SPTBN4: variants seen among roughly 807,000 people sequenced by gnomAD.
SPTBN4 encodes spectrin beta chain, non-erythrocytic 4.
SPTBN4 carries 96 observed loss-of-function variants against 277.8 expected under a neutral mutation model. The observed-to-expected ratio is 0.35, with a 90% CI of 0.29 to 0.41. The LOEUF (loss-of-function observed/expected upper bound fraction) is 0.41. Among genes scored for constraint, SPTBN4 ranks in the 10% least tolerant of loss-of-function variants. SPTBN4 has a pLI of 1.00. For missense variants in SPTBN4, 3,006 were observed against 3,595.7 expected, an observed-to-expected ratio of 0.84 and a Z score of 4.19; for synonymous variants, 1,481 against 1,580.3, an observed-to-expected ratio of 0.94 and a Z score of 1.49.
intron 12 of SPTBN4, 51 bp downstream of exon 12, chr19:40,504,183 G>C (rs758973799): frequency 6.5e-7 from 1 of 1,528,172 alleles, no homozygotes; most frequent in Non-Finnish European, 8.9e-7. Context: ...GGGAGGGGAG[G>C]ATGCAGACGC....
chr19:40,526,039 ACTGGGGCC>A (rs908266142), intron 17 of SPTBN4, among the ~76,000 whole-genome samples: 9 of 152,056 alleles, frequency 5.9e-5, no homozygotes, highest in Non-Finnish European at 1.2e-4. Flanking sequence ...AGAGCTGGGG[ACTGGGGCC>A]CTGGGGCCCT....
Position 40,532,606 on chromosome 19 carries a change from C to T in SPTBN4, c.3949-19C>T, listed in dbSNP as rs1417749923. The T allele has an allele frequency of 6.2e-7, 1 of 1,607,908 alleles. No individual in the cohort carries two copies. The highest frequency in any genetic ancestry group is 1.3e-5 in the African/African-American group (1 of 74,814). Reference sequence around the variant, plus strand: ...AGGTTGAGGGGACCAGCTGAGCCCTCCTGCCCTGTTCTGCACAGCTGGATG... The same window carrying T: ...AGGTTGAGGGGACCAGCTGAGCCCTTCTGCCCTGTTCTGCACAGCTGGATG... On this transcript the variant is annotated intron_variant, in intron 18 of 35. Coordinates refer to ENST00000598249, the MANE Select transcript of SPTBN4 (RefSeq NM_020971.3).
rs2080690095 is a variant in SPTBN4 at position 40,532,659 on chromosome 19, C to T, written c.3983C>T (p.Ala1328Val). The change falls in exon 19 of 36, where the codon GCG becomes GTG. Residue 1328 changes from alanine to valine, a missense_variant. Around this residue, in one of 5 missense-constraint regions of SPTBN4, gnomAD observed 1,759 missense variants for 2,061.5 expected, o/e 0.85. Transcript: ENST00000598249. ...DGWIHEKMLM[A>V]RDGTREDNHK... Reference sequence around the variant, plus strand: ...TGGATCCATGAGAAGATGCTGATGGCGCGGGATGGCACGCGGGAGGACAAC... The same window carrying T: ...TGGATCCATGAGAAGATGCTGATGGTGCGGGATGGCACGCGGGAGGACAAC... The T allele has an allele frequency of 3.1e-6, 5 of 1,613,256 alleles. No individual in the cohort carries two copies. Among genetic ancestry groups the T allele is most frequent in the East Asian group, 2.2e-5 (1 of 44,868 alleles).
At chr19:40,545,893 A>C (rs1441558169) in intron 20 of SPTBN4, among the ~76,000 whole-genome samples, 1 of 152,096 alleles carries the variant, frequency 6.6e-6, no homozygotes, top group African/African-American at 2.4e-5. Context: ...TACAAAAAAA[A>C]TTAGTCAGGC....
rs767379270 is a variant in SPTBN4 at position 40,502,366 on chromosome 19, G to T, written c.1086-24G>T. ...TGGGCAGGGGTGGCATGACGGCAGG[G>T]CTCCTGAGCTCATGCCCCTTCAGGT... On this transcript the variant is annotated intron_variant, in intron 9 of 35. Coordinates refer to ENST00000598249, the MANE Select transcript of SPTBN4 (RefSeq NM_020971.3). This position sits in a 1 kb window ranked among gnomAD's most constrained non-coding sequence, Gnocchi z 4.9. The T allele has an allele frequency of 2.5e-6, 4 of 1,609,560 alleles. No individual in the cohort carries two copies. Among genetic ancestry groups the T allele is most frequent in the Admixed American group, 3.3e-5 (2 of 59,940 alleles).
At position 40,567,882 on chromosome 19, in the gene SPTBN4, G is replaced by C; in HGVS notation, c.6556G>C (p.Glu2186Gln). 6.6e-7 allele frequency: 1 copy of C among 1,524,178 alleles called. No individual in the cohort carries two copies. Among genetic ancestry groups the C allele is most frequent in the Non-Finnish European group, 8.8e-7 (1 of 1,138,444 alleles). The allele number at this position is 1,524,178 out of a possible 1,614,324, so 94.4% of individuals were successfully genotyped here. ...GTATGTGCGCCAGGAGCTCAAGCCC[G>C]AGCGCCTCCAGCCGCGCATTGACCG... ...VGYVRQELKPERLQPRIDRLP... is the reference protein window; with the variant it reads ...VGYVRQELKPQRLQPRIDRLP... Residue 2186 changes from glutamate to glutamine, a missense_variant, in exon 31 of 36, where the codon GAG becomes CAG. This residue lies in a region of SPTBN4 where 630 missense variants were observed against 677.6 expected (regional missense o/e 0.93). Coordinates refer to ENST00000598249, the MANE Select transcript of SPTBN4 (RefSeq NM_020971.3).
chr19:40,569,426 C>CAA lies in SPTBN4; in HGVS notation c.6957-213_6957-212dup, dbSNP rs58192016. ...TGGGCAACAGAGAAAGACTCCGTCTCAAAAAAAAAAAAAAAAAAATTCAAA... is the reference window on the plus strand; with the variant it reads ...TGGGCAACAGAGAAAGACTCCGTCTCAAAAAAAAAAAAAAAAAAAAATTCAAA... On this transcript the variant is annotated intron_variant, in intron 31 of 35. Coordinates refer to ENST00000598249, the MANE Select transcript of SPTBN4 (RefSeq NM_020971.3). 8.0e-3 allele frequency among the ~76,000 whole-genome samples: 960 copies of CAA among 120,700 alleles called. 8 individuals are homozygous for CAA. The highest frequency in any genetic ancestry group is 0.02 in the African/African-American group (669 of 33,038). The allele number at this position is 120,700 out of a possible 152,430, so 79.2% of individuals were successfully genotyped here. A position where few individuals can be genotyped will look rare whatever the true frequency, so the allele number is the denominator to read the frequency against.
intron 21 of SPTBN4, among the ~76,000 whole-genome samples, 181 bp from the exon 22 acceptor site, chr19:40,550,057 G>A (rs1363569024): frequency 1.3e-5 from 2 of 151,726 alleles, no homozygotes; most frequent in African/African-American, 2.4e-5. Flanking sequence ...GATTATTTGA[G>A]CCTGGGGATT....
chr19:40,470,265 C>T (rs558623456), intron 1 of SPTBN4, among the ~76,000 whole-genome samples: 3 of 152,116 alleles, frequency 2.0e-5, no homozygotes, highest in African/African-American at 7.2e-5. Flanking sequence ...TCCCTAAGTG[C>T]CAGGATAACA....
chr19:40,523,557 G>A lies in SPTBN4; in HGVS notation c.3775G>A (p.Val1259Met), dbSNP rs578153986. The A allele has an allele frequency of 2.0e-5, 32 of 1,614,164 alleles. No individual in the cohort carries two copies. Among genetic ancestry groups the A allele is most frequent in the Middle Eastern group, 1.7e-4 (1 of 6,060 alleles). ...GAGCCAGCAAAAGATGCAGGTGGCCGTGCAGGCTGCAGAGGGCCTGCTGAG... is the reference window on the plus strand; with the variant it reads ...GAGCCAGCAAAAGATGCAGGTGGCCATGCAGGCTGCAGAGGGCCTGCTGAG... ...ELSQQKMQVA[V>M]QAAEGLLRQG... is the part of the protein sequence containing the mutation. Residue 1259 changes from valine (V) to methionine (M), a missense_variant, in exon 17 of 36, where the codon GTG (valine) becomes ATG (methionine). Physicochemically the swap from Val to Met is conservative, Grantham distance 21. This residue lies in a region of SPTBN4 where 1,759 missense variants were observed against 2,061.5 expected (regional missense o/e 0.85). Transcript: ENST00000598249.
intron 7 of SPTBN4, among the ~76,000 whole-genome samples, chr19:40,499,976 C>T (rs2080245259): frequency 6.7e-6 from 1 of 150,318 alleles, no homozygotes; most frequent in African/African-American, 2.5e-5. Flanking sequence ...ATGGTGATGG[C>T]TTGTGCCTGT....
chr19:40,575,102 C>CT (rs1226474868), intron 35 of SPTBN4, among the ~76,000 whole-genome samples: 1 of 151,450 alleles, frequency 6.6e-6, no homozygotes, highest in Non-Finnish European at 1.5e-5. Flanking sequence ...TAAACTGATA[C>CT]TTAGCACAGG....
rs765676087 is a variant in SPTBN4, at chr19:40,560,481, C to A, written c.5915+78C>A. The A allele has an allele frequency of 3.1e-6, 5 of 1,605,632 alleles. No homozygotes were observed. Among genetic ancestry groups the A allele is most frequent in the Admixed American group, 1.7e-5 (1 of 59,758 alleles). On this transcript the variant is annotated intron_variant, in intron 27 of 35. Coordinates refer to ENST00000598249, the MANE Select transcript of SPTBN4 (RefSeq NM_020971.3). The surrounding 1 kb of genome is among the most constrained non-coding windows in gnomAD (Gnocchi z 5.2). ...GCCACCCCCAGCCCATTGACAGCCC[C>A]CTTCTCAATGGAATGACAACAGCCA...
rs77789750 is a variant in SPTBN4, at chr19:40,489,864, T to A, written c.322-211T>A. On this transcript the variant is annotated intron_variant, in intron 3 of 35. Coordinates refer to ENST00000598249, the MANE Select transcript of SPTBN4 (RefSeq NM_020971.3). Reference sequence around the variant, plus strand: ...GTGAATAAACCTTGAAGGGATGTGATTCTTTAAAGGGTCTGGCTATGGGAA... The same window carrying A: ...GTGAATAAACCTTGAAGGGATGTGAATCTTTAAAGGGTCTGGCTATGGGAA... Among the ~76,000 whole-genome samples, 2,468 of 152,276 alleles carry A rather than the reference T, an allele frequency of 0.016. 73 individuals are homozygous for A. Among genetic ancestry groups the A allele is most frequent in the African/African-American group, 0.057 (2,384 of 41,556 alleles).
intron 22 of SPTBN4, among the ~76,000 whole-genome samples, chr19:40,551,384 ATC>A (rs141245845): frequency 0.16 from 20,059 of 125,412 alleles, 1,392 homozygotes; most frequent in Non-Finnish European, 0.18. Context: ...ATGAGACCCT[ATC>A]TCTCTCTCTC....
At chr19:40,495,036 T>C (rs2080180524) in intron 6 of SPTBN4, 59 bp downstream of exon 6, 4 of 1,497,332 alleles carry the variant, frequency 2.7e-6, no homozygotes, top group Non-Finnish European at 3.7e-6. Context: ...TCCCTGCAGC[T>C]GCACACCTGT....
chr19:40,479,357 C>T (rs960608594), intron 2 of SPTBN4, among the ~76,000 whole-genome samples: 2 of 152,142 alleles, frequency 1.3e-5, no homozygotes, highest in Admixed American at 6.6e-5. Flanking sequence ...ACTCACCCTC[C>T]ACAGTTTGTG....
intron 31 of SPTBN4, 105 bp from the exon 32 acceptor site, chr19:40,569,552 C>T (rs2081129583): frequency 3.5e-6 from 4 of 1,143,738 alleles, no homozygotes; most frequent in Admixed American, 4.9e-5. Context: ...TGGGCAGGGG[C>T]CTGGCACTTC....
rs1413335702 is a variant in SPTBN4 at position 40,566,145 on chromosome 19, C to G, written c.6140-18C>G. ...CCCCAGATGCCCCAGAATCCTTACC[C>G]TGCATGCCCCTCCTCAGTGCTGGAG... On this transcript the variant is annotated intron_variant, in intron 29 of 35. Coordinates refer to ENST00000598249, the MANE Select transcript of SPTBN4 (RefSeq NM_020971.3). 1 of 1,485,160 alleles carries G rather than the reference C, an allele frequency of 6.7e-7. No homozygotes were observed. Among genetic ancestry groups the G allele is most frequent in the Non-Finnish European group, 9.0e-7 (1 of 1,112,062 alleles). 92.0% of individuals were successfully genotyped at this position (1,485,160 alleles called of 1,614,324 possible). A position where few individuals can be genotyped will look rare whatever the true frequency, so the allele number is the denominator to read the frequency against.
Sources: gnomAD v4.1 joint callset for allele counts (sites outside exome capture counted in the v4.1 genomes callset) on GRCh38, gnomAD v4.1.1 for gene constraint, gnomAD v4.1.1 regional missense constraint, Gnocchi (gnomAD v3.1) non-coding constraint, MANE v1.5 for transcripts, NCBI Gene and HGNC (gene_info 2026-07-23, HGNC 2026-07-21) for gene names.